The following IL1RAP variants were observed in gnomAD, a reference collection of about 807,000 sequenced individuals.
IL1RAP encodes interleukin-1 receptor accessory protein.
Under a neutral mutation model 60.7 loss-of-function variants are expected in IL1RAP, and 35 were observed. That is an observed-to-expected ratio of 0.58 (90% CI 0.44 to 0.76). The LOEUF is 0.76. Among genes scored for constraint, IL1RAP ranks in the 30% least tolerant of loss-of-function variants. IL1RAP has a pLI of 0.00. For synonymous variants in IL1RAP, 268 were observed against 250.9 expected, an observed-to-expected ratio of 1.07 and a Z score of -0.64; for missense variants, 572 against 693.9, an observed-to-expected ratio of 0.82 and a Z score of 1.97.
intron 11 of IL1RAP, among the ~76,000 whole-genome samples, chr3:190,646,487 T>C (rs1734025230): frequency 6.6e-6 from 1 of 152,192 alleles, no homozygotes; most frequent in African/African-American, 2.4e-5. Flanking sequence ...TAATAGCCAG[T>C]GTAACTAGAA....
chr3:190,542,191 T>C (rs1723996942), intron 1 of IL1RAP, among the ~76,000 whole-genome samples: 1 of 152,164 alleles, frequency 6.6e-6, no homozygotes, highest in Non-Finnish European at 1.5e-5. Context: ...TAATTGATCT[T>C]TTGGACACAG....
intron 1 of IL1RAP, among the ~76,000 whole-genome samples, chr3:190,524,133 A>T (rs1244883609): frequency 1.3e-5 from 2 of 151,908 alleles, no homozygotes; most frequent in Non-Finnish European, 2.9e-5. Context: ...TTTTATTCAT[A>T]TGCTTGCTGG....
At chr3:190,576,590 C>G (rs1037004750) in intron 3 of IL1RAP, among the ~76,000 whole-genome samples, 1 of 152,092 alleles carries the variant, frequency 6.6e-6, no homozygotes, top group Admixed American at 6.6e-5. Flanking sequence ...ACAATCCAGC[C>G]TAGCATTGGT....
At chr3:190,574,839 C>A (rs2108657927) in intron 3 of IL1RAP, among the ~76,000 whole-genome samples, 2 of 152,288 alleles carry the variant, frequency 1.3e-5, no homozygotes, top group East Asian at 3.9e-4. Context: ...ATAACTGTCA[C>A]TTGGGCTCAG....
chr3:190,522,399 GTATCTATCTATGTATCTATGTATC>G (rs1560135824), intron 1 of IL1RAP, among the ~76,000 whole-genome samples: 6 of 133,152 alleles, frequency 4.5e-5, no homozygotes, highest in Admixed American at 3.2e-4. Flanking sequence ...ATCTTTCTAT[GTATCTATCTATGTATCTATGTATC>G]TATCTATCTA....
intron 7 of IL1RAP, chr3:190,624,629 AG>A (rs1468340925): frequency 2.1e-5 from 4 of 187,752 alleles, no homozygotes; most frequent in South Asian, 1.3e-4. Context: ...TAAAAAAAAA[AG>A]GTGGAAAAAG....
chr3:190,588,156 C>T (rs1488657582), intron 3 of IL1RAP, among the ~76,000 whole-genome samples: 1 of 152,162 alleles, frequency 6.6e-6, no homozygotes, highest in Non-Finnish European at 1.5e-5. Context: ...ACTCTGTTGC[C>T]AGGCTGGAGT....
At chr3:190,590,705 A>G (rs962526323) in intron 3 of IL1RAP, among the ~76,000 whole-genome samples, 1 of 152,166 alleles carries the variant, frequency 6.6e-6, no homozygotes, top group Non-Finnish European at 1.5e-5. Flanking sequence ...TATAGAACAC[A>G]TGCAGCGTTA....
chr3:190,533,648 A>C (rs1362399891), intron 1 of IL1RAP, among the ~76,000 whole-genome samples: 2 of 152,162 alleles, frequency 1.3e-5, no homozygotes, highest in Non-Finnish European at 2.9e-5. Flanking sequence ...CCCTCTTACC[A>C]GCCCAGTCGT....
chr3:190,645,780 T>C lies in IL1RAP; in HGVS notation c.1283T>C (p.Val428Ala). Residue 428 changes from valine (V) to alanine (A), a missense_variant, in exon 11 of 12, where the codon GTT becomes GCT. By Grantham distance (64) the Val-to-Ala change is moderately conservative (BLOSUM62 0). Transcript: ENST00000447382. ...TTTGTATTACTGACCCTCCGTGGAG[T>C]TTTGGAGAATGAATTTGGATACAAG... ...EEFVLLTLRG[V>A]LENEFGYKLC... is the part of the protein sequence containing the mutation. 2 of 1,613,334 alleles carry C rather than the reference T, an allele frequency of 1.2e-6. No homozygotes were observed. Among genetic ancestry groups the C allele is most frequent in the Non-Finnish European group, 1.7e-6 (2 of 1,179,540 alleles).
Position 190,557,648 on chromosome 3 carries a change from G to T in IL1RAP, c.-2+1432G>T, listed in dbSNP as rs1045642897. ...ATTTCTGGAATATTCAGTGCTTAAT[G>T]ACAAGGCTGTGTTATTTTCAAAGTA... is the stretch of plus-strand genomic sequence containing the variant. On this transcript the variant is annotated intron_variant, in intron 2 of 11. Coordinates refer to ENST00000447382, the MANE Select transcript of IL1RAP (RefSeq NM_002182.4). 5.3e-5 allele frequency among the ~76,000 whole-genome samples: 8 copies of T among 152,146 alleles called. No homozygotes were observed. In the South Asian group the frequency reaches 6.2e-4, roughly 12 times the overall value.
Position 190,562,694 on chromosome 3 carries a change from C to CCATACA in IL1RAP, c.-1-1593_-1-1592insTACACA, listed in dbSNP as rs368495405. 4.4e-3 allele frequency among the ~76,000 whole-genome samples: 642 copies of CCATACA among 146,634 alleles called. 4 individuals carry two copies. Among genetic ancestry groups the CCATACA allele is most frequent in the South Asian group, 6.1e-3 (28 of 4,596 alleles). ...TTGCCTGTATCAAAACATATCTCGT[C>CCATACA]CACACACACACACACACACACACAC... is the stretch of plus-strand genomic sequence containing the variant. On this transcript the variant is annotated intron_variant, in intron 2 of 11. Coordinates refer to ENST00000447382, the MANE Select transcript of IL1RAP (RefSeq NM_002182.4).
chr3:190,583,105 C>T (rs577043713), intron 3 of IL1RAP, among the ~76,000 whole-genome samples: 73 of 152,318 alleles, frequency 4.8e-4, no homozygotes, highest in African/African-American at 1.8e-3. Flanking sequence ...CCACTTTATA[C>T]GCTGTACGTC....
At chr3:190,551,894 A>G (rs1443584114) in intron 1 of IL1RAP, among the ~76,000 whole-genome samples, 1 of 152,226 alleles carries the variant, frequency 6.6e-6, no homozygotes, top group African/African-American at 2.4e-5. Flanking sequence ...GATTGATAGC[A>G]TATACTCAGA....
intron 1 of IL1RAP, among the ~76,000 whole-genome samples, chr3:190,533,656 C>T (rs996956893): frequency 1.3e-5 from 2 of 152,140 alleles, no homozygotes; most frequent in Admixed American, 6.5e-5. Context: ...CCAGCCCAGT[C>T]GTGTCTGTGA....
intron 1 of IL1RAP, among the ~76,000 whole-genome samples, chr3:190,532,694 C>T (rs546669970): frequency 1.5e-4 from 23 of 152,296 alleles, no homozygotes; most frequent in African/African-American, 4.6e-4. Context: ...CGTGCTTTGC[C>T]TCCCTGTGCT....
At chr3:190,659,086 AAGATTCT>A (rs1734702632) in exon 12 of IL1RAP, 1 of 152,240 alleles carries the variant, frequency 6.6e-6, no homozygotes, top group Non-Finnish European at 1.5e-5. Context: ...AAGGAGGGAG[AAGATTCT>A]CTGACCCACT....
chr3:190,540,851 A>G (rs1276128914), intron 1 of IL1RAP, among the ~76,000 whole-genome samples: 1 of 152,136 alleles, frequency 6.6e-6, no homozygotes. Flanking sequence ...AAAGACAGAA[A>G]GAACTCTCAC....
chr3:190,601,228 G>A (rs752578329), intron 3 of IL1RAP, among the ~76,000 whole-genome samples: 11 of 152,028 alleles, frequency 7.2e-5, no homozygotes, highest in Non-Finnish European at 5.9e-5. Flanking sequence ...CAGGTGATCC[G>A]CCCCCTCGGC....
Sources: gnomAD v4.1 joint callset for allele counts (sites outside exome capture counted in the v4.1 genomes callset) on GRCh38, gnomAD v4.1.1 for gene constraint, MANE v1.5 for transcripts, NCBI Gene and HGNC (gene_info 2026-07-23, HGNC 2026-07-21) for gene names.